Variants in RDX observed in about 807,000 individuals in gnomAD.
The protein encoded by RDX is deafness, autosomal recessive 24.
Under a neutral mutation model 83.7 loss-of-function variants are expected in RDX, and 32 were observed. The ratio of observed to expected loss-of-function variants is 0.38; its 90% confidence interval spans 0.29 to 0.51. RDX has a LOEUF of 0.51. RDX is among the 20% of genes least tolerant of loss of function. The probability of loss-of-function intolerance (pLI) is 0.87; values close to 1 mark genes in which losing one functional copy is unlikely to be tolerated. For missense variants in RDX, 600 were observed against 689.9 expected (o/e 0.87, Z 1.46); for synonymous variants, 229 against 222.7 (o/e 1.03, Z -0.25).
At chr11:110,222,190 T>C (rs1252444598) in intron 14 of RDX, among the ~76,000 whole-genome samples, 3 of 152,218 alleles carry the variant, frequency 2.0e-5, no homozygotes, top group Non-Finnish European at 2.9e-5. Flanking sequence ...CATTTTCCTA[T>C]CTGTATACAT....
intron 15 of RDX, among the ~76,000 whole-genome samples, chr11:110,189,901 T>G (rs1456156612): frequency 2.0e-5 from 3 of 151,964 alleles, no homozygotes; most frequent in African/African-American, 7.3e-5. Flanking sequence ...CTGACCTACA[T>G]GGAGAAACCC....
At chr11:110,251,310 TTTC>T (rs1859331166) in intron 9 of RDX, among the ~76,000 whole-genome samples, 1 of 152,232 alleles carries the variant, frequency 6.6e-6, no homozygotes. Context: ...TAATTACACT[TTTC>T]TTCCATGAAT....
intron 15 of RDX, among the ~76,000 whole-genome samples, chr11:110,176,993 C>T (rs1306411971): frequency 6.6e-6 from 1 of 152,230 alleles, no homozygotes; most frequent in Non-Finnish European, 1.5e-5. Context: ...CCCCTTCCAC[C>T]GTGACTGAAG....
chr11:110,268,085 G>A (rs988878006), intron 3 of RDX, among the ~76,000 whole-genome samples: 1 of 152,154 alleles, frequency 6.6e-6, no homozygotes, highest in Admixed American at 6.5e-5. Flanking sequence ...TGAGGCAGGT[G>A]GATCACAAGG....
At chr11:110,249,308 C>T (rs1478926190) in intron 9 of RDX, among the ~76,000 whole-genome samples, 5 of 152,146 alleles carry the variant, frequency 3.3e-5, no homozygotes, top group South Asian at 4.1e-4. Flanking sequence ...AAGCACAAAA[C>T]CCTGTAGTTT....
At position 110,254,087 on chromosome 11, in the gene RDX, C is replaced by G; in HGVS notation, c.818G>C (p.Arg273Pro). ...KAPDFVFYAP[R>P]LRINKRILAL... ...CAAAATCCGCTTATTGATTCTCAGACGAGGTGCATAAAACACAAAATCCTA... is the reference window on the plus strand; with the variant it reads ...CAAAATCCGCTTATTGATTCTCAGAGGAGGTGCATAAAACACAAAATCCTA... Residue 273 changes from arginine to proline, a missense_variant, in exon 9 of 14, where the codon CGT becomes CCT. Transcript: ENST00000645495. 6.2e-7 allele frequency: 1 copy of G among 1,613,510 alleles called. No homozygotes were observed. The highest frequency in any genetic ancestry group is 8.5e-7 in the Non-Finnish European group (1 of 1,179,746).
At position 110,244,760 on chromosome 11, in the gene RDX, TAAAC is replaced by T. The variant is rs200285140; in HGVS notation, c.1090+2939_1090+2942del. On this transcript the variant is annotated intron_variant, in intron 10 of 13. Coordinates refer to ENST00000645495, the MANE Select transcript of RDX (RefSeq NM_002906.4). ...TCTCAACAAAGCTATTAGAAAATGA[TAAAC>T]AAAACTAATCTCTATATGATGGTAT... 9.4e-3 allele frequency among the ~76,000 whole-genome samples: 1,429 copies of T among 152,214 alleles called. 31 individuals are homozygous for T. The highest frequency in any genetic ancestry group is 0.033 in the African/African-American group (1,358 of 41,520).
chr11:110,271,533 C>T (rs1860310742), intron 3 of RDX, among the ~76,000 whole-genome samples: 1 of 152,174 alleles, frequency 6.6e-6, no homozygotes. Context: ...CTCAGCAAAA[C>T]TTGCTTACAT....
At chr11:110,199,699 A>G (rs1863328782) in intron 14 of RDX, 1 of 702,912 alleles carries the variant, frequency 1.4e-6, no homozygotes, top group Admixed American at 2.0e-5. Context: ...AGACATTAAG[A>G]GATTAGAAAG....
chr11:110,243,679 C>G (rs1865189230), intron 10 of RDX, among the ~76,000 whole-genome samples: 1 of 151,978 alleles, frequency 6.6e-6, no homozygotes, highest in African/African-American at 2.4e-5. Flanking sequence ...GATCATGCCA[C>G]TGCACTCCAG....
At chr11:110,255,136 A>G (rs561585273) in intron 8 of RDX, among the ~76,000 whole-genome samples, 153 bp downstream of exon 8, 2 of 152,292 alleles carry the variant, frequency 1.3e-5, no homozygotes, top group East Asian at 1.9e-4. Flanking sequence ...TTTTATTAAC[A>G]TATTATTTCA....
chr11:110,210,507 C>G (rs1157952639), intron 14 of RDX, among the ~76,000 whole-genome samples: 1 of 150,344 alleles, frequency 6.7e-6, no homozygotes, highest in East Asian at 2.0e-4. Context: ...AGATACTCCT[C>G]GAGAAGAGCA....
intron 13 of RDX, among the ~76,000 whole-genome samples, chr11:110,232,300 G>C (rs1864670044): frequency 6.6e-6 from 1 of 152,056 alleles, no homozygotes. Flanking sequence ...TGGCTAAAAA[G>C]TTCAATGTAG....
Position 110,231,178 on chromosome 11 carries a change from A to T in RDX, c.*691T>A, listed in dbSNP as rs964927559. The T allele has an allele frequency of 1.3e-5, 2 of 152,468 alleles. No homozygotes were observed. The highest frequency in any genetic ancestry group is 4.8e-5 in the African/African-American group (2 of 41,476). 9.4% of individuals were successfully genotyped at this position (152,468 alleles called of 1,614,324 possible). ...GATCACAGGAGATAAAACACCAATC[A>T]GTGTAAGCTGTTAAAGATGACTGTG... is the stretch of plus-strand genomic sequence containing the variant. On this transcript the variant is annotated 3_prime_UTR_variant, in exon 14 of 14. Coordinates refer to ENST00000645495, the MANE Select transcript of RDX (RefSeq NM_002906.4).
intron 1 of RDX, among the ~76,000 whole-genome samples, chr11:110,292,978 A>C (rs937929176): frequency 2.6e-5 from 4 of 152,254 alleles, no homozygotes; most frequent in African/African-American, 9.6e-5. Context: ...CTTCATCTTC[A>C]ATCATTAATC....
chr11:110,217,908 G>GATC (rs34667461), intron 14 of RDX, among the ~76,000 whole-genome samples: 17 of 41,464 alleles, frequency 4.1e-4, no homozygotes, highest in Non-Finnish European at 5.1e-4. Context: ...TCTTCCTCTA[G>GATC]ATGTTTTAAA....
intron 15 of RDX, among the ~76,000 whole-genome samples, chr11:110,190,416 T>G (rs915818828): frequency 6.6e-6 from 1 of 152,196 alleles, no homozygotes; most frequent in African/African-American, 2.4e-5. Context: ...ACTGTGCCAC[T>G]GTACTTCAGC....
chr11:110,185,165 A>G (rs1027930470), intron 15 of RDX: 1 of 152,254 alleles, frequency 6.6e-6, no homozygotes, highest in Admixed American at 6.5e-5. Context: ...TTAAAATAGC[A>G]ATTTCAGGGC....
intron 10 of RDX, among the ~76,000 whole-genome samples, chr11:110,247,467 C>A (rs1311936009): frequency 1.3e-5 from 2 of 151,534 alleles, no homozygotes; most frequent in African/African-American, 4.8e-5. Flanking sequence ...ATGTTTAAAA[C>A]AAAAAACTAA....
Sources: gnomAD v4.1 joint callset for allele counts (sites outside exome capture counted in the v4.1 genomes callset) on GRCh38, gnomAD v4.1.1 for gene constraint, MANE v1.5 for transcripts, NCBI Gene and HGNC (gene_info 2026-07-23, HGNC 2026-07-21) for gene names.